Variants in ARMH3 observed in about 807,000 individuals in gnomAD.
The protein encoded by ARMH3 is armadillo like helical domain containing 3, also known as armadillo-like helical domain-containing protein 3.
Under a neutral mutation model 99.1 loss-of-function variants are expected in ARMH3, and 60 were observed. That is an observed-to-expected ratio of 0.61 (90% CI 0.49 to 0.75). The LOEUF (loss-of-function observed/expected upper bound fraction) is 0.75, where lower values mean the gene tolerates loss of function less well. ARMH3 is among the 30% of genes least tolerant of loss of function. ARMH3 has a pLI of 0.00. For synonymous variants in ARMH3, 285 were observed against 292.8 expected, an observed-to-expected ratio of 0.97 and a Z score of 0.27; for missense variants, 679 against 843.1, an observed-to-expected ratio of 0.81 and a Z score of 2.41.
rs1420750394 is a variant in ARMH3, at chr10:102,029,743, G to C, written c.309C>G (p.Thr103=). Residue 103 remains threonine, a splice_region_variant and synonymous_variant, in exon 5 of 26, where the codon ACC becomes ACG. Coordinates refer to ENST00000370033, the MANE Select transcript of ARMH3 (RefSeq NM_024541.3). ...GGACTCCTCGAATGAGTGCGCACAGGGTCTGCAGAAATGAGAGAAAGAATT... is the reference window on the plus strand; with the variant it reads ...GGACTCCTCGAATGAGTGCGCACAGCGTCTGCAGAAATGAGAGAAAGAATT... ...HPIRVVNALQ[T]LCALIRGVHQ... 9 of 1,609,850 alleles carry C rather than the reference G, an allele frequency of 5.6e-6. No homozygotes were observed. Among genetic ancestry groups the C allele is most frequent in the Non-Finnish European group, 7.6e-6 (9 of 1,176,646 alleles).
intron 23 of ARMH3, among the ~76,000 whole-genome samples, chr10:101,918,757 G>A (rs1843187625): frequency 1.3e-5 from 2 of 152,152 alleles, no homozygotes; most frequent in South Asian, 4.1e-4. Flanking sequence ...TTCCCTTTAA[G>A]GAAGTCACAT....
At chr10:101,913,659 C>G (rs1011968809) in intron 23 of ARMH3, among the ~76,000 whole-genome samples, 1 of 152,230 alleles carries the variant, frequency 6.6e-6, no homozygotes, top group Non-Finnish European at 1.5e-5. Flanking sequence ...AGCCACTGCA[C>G]CAGGCCCACA....
At chr10:102,001,274 T>C (rs1225111395) in intron 15 of ARMH3, among the ~76,000 whole-genome samples, 2 of 151,720 alleles carry the variant, frequency 1.3e-5, no homozygotes. Context: ...TAAAGAAAAA[T>C]GCTAAGTAGG....
At chr10:101,947,114 G>A (rs926507606) in intron 22 of ARMH3, among the ~76,000 whole-genome samples, 3 of 152,000 alleles carry the variant, frequency 2.0e-5, no homozygotes, top group African/African-American at 7.3e-5. Flanking sequence ...TTGAACCCGG[G>A]AGGCAGAGCT....
At chr10:102,026,936 A>G (rs2067012669) in intron 5 of ARMH3, among the ~76,000 whole-genome samples, 1 of 152,226 alleles carries the variant, frequency 6.6e-6, no homozygotes, top group South Asian at 2.1e-4. Flanking sequence ...TTGTATCCTC[A>G]GTGCCTACCA....
intron 9 of ARMH3, among the ~76,000 whole-genome samples, chr10:102,013,509 T>A (rs1221267816): frequency 2.0e-5 from 3 of 152,172 alleles, no homozygotes; most frequent in Admixed American, 1.3e-4. Context: ...CTCCCTATAT[T>A]CAGAGATCAG....
At chr10:101,912,266 G>A (rs1282303545) in intron 23 of ARMH3, among the ~76,000 whole-genome samples, 5 of 151,710 alleles carry the variant, frequency 3.3e-5, no homozygotes, top group Non-Finnish European at 5.9e-5. Context: ...GGTGGTGGGC[G>A]CTTGTAATTC....
At chr10:101,931,843 G>C (rs1418469650) in intron 23 of ARMH3, among the ~76,000 whole-genome samples, 1 of 152,162 alleles carries the variant, frequency 6.6e-6, no homozygotes, top group African/African-American at 2.4e-5. Flanking sequence ...TGATGACATT[G>C]GATTTGGCAA....
At chr10:101,983,905 G>C (rs1310349689) in intron 19 of ARMH3, among the ~76,000 whole-genome samples, 2 of 152,148 alleles carry the variant, frequency 1.3e-5, no homozygotes, top group Non-Finnish European at 2.9e-5. Context: ...TTTATAGCCG[G>C]TCCATCAGAA....
intron 22 of ARMH3, among the ~76,000 whole-genome samples, chr10:101,940,169 C>T (rs1476371134): frequency 6.6e-6 from 1 of 152,224 alleles, no homozygotes; most frequent in African/African-American, 2.4e-5. Flanking sequence ...TATCAAAATA[C>T]TCTACTCCTT....
chr10:101,925,206 T>C (rs976233669), intron 23 of ARMH3, among the ~76,000 whole-genome samples: 5 of 152,178 alleles, frequency 3.3e-5, no homozygotes, highest in East Asian at 1.9e-4. Flanking sequence ...CATAATGCAA[T>C]TGGAGGCTGC....
At chr10:101,876,480 C>T (rs1004914875) in intron 24 of ARMH3, among the ~76,000 whole-genome samples, 3 of 152,116 alleles carry the variant, frequency 2.0e-5, no homozygotes, top group African/African-American at 7.2e-5. Context: ...TCTATCCCTC[C>T]CAAACAGAAT....
intron 23 of ARMH3, among the ~76,000 whole-genome samples, chr10:101,926,093 A>T (rs1392356437): frequency 6.6e-6 from 1 of 152,256 alleles, no homozygotes; most frequent in African/African-American, 2.4e-5. Flanking sequence ...TCTGTGATCC[A>T]GGAACTACTA....
At chr10:101,892,654 T>G (rs1589976035) in intron 23 of ARMH3, among the ~76,000 whole-genome samples, 1 of 152,272 alleles carries the variant, frequency 6.6e-6, no homozygotes, top group African/African-American at 2.4e-5. Context: ...TCATAGTACC[T>G]GGGAATAGTC....
At position 101,910,790 on chromosome 10, in the gene ARMH3, T is replaced by A. The variant is rs189566193; in HGVS notation, c.1782-21300A>T. Among the ~76,000 whole-genome samples, 624 of 146,662 alleles carry A rather than the reference T, an allele frequency of 4.3e-3. 21 individuals are homozygous for A. The highest frequency in any genetic ancestry group is 0.04 in the Admixed American group (588 of 14,764). ...ATACAAGGGGATGATTTTCTCACAA[T>A]CCAGGTCAAGCCCAAGCCATGCCCA... is the stretch of plus-strand genomic sequence containing the variant. On this transcript the variant is annotated intron_variant, in intron 23 of 25. Transcript: ENST00000370033.
chr10:101,934,602 C>T (rs1843870442), intron 23 of ARMH3, among the ~76,000 whole-genome samples: 1 of 152,080 alleles, frequency 6.6e-6, no homozygotes. Context: ...AGGAGAATCA[C>T]CTACTTGCAG....
chr10:102,032,130 T>C (rs2067145828), intron 4 of ARMH3, among the ~76,000 whole-genome samples: 2 of 152,176 alleles, frequency 1.3e-5, no homozygotes, highest in African/African-American at 2.4e-5. Flanking sequence ...TTTAGAAACT[T>C]TGTCACCATT....
intron 19 of ARMH3, among the ~76,000 whole-genome samples, chr10:101,985,372 T>C (rs370635019): frequency 1.3e-5 from 2 of 151,108 alleles, no homozygotes; most frequent in South Asian, 2.1e-4. Flanking sequence ...TACATGTATA[T>C]ATAATACGTA....
chr10:101,972,988 T>C (rs1367065932), intron 20 of ARMH3, among the ~76,000 whole-genome samples: 1 of 152,164 alleles, frequency 6.6e-6, no homozygotes, highest in Non-Finnish European at 1.5e-5. Flanking sequence ...ATGGCCTTCT[T>C]CTTCACCATT....
Sources: gnomAD v4.1 joint callset for allele counts (sites outside exome capture counted in the v4.1 genomes callset) on GRCh38, gnomAD v4.1.1 for gene constraint, MANE v1.5 for transcripts, NCBI Gene and HGNC (gene_info 2026-07-23, HGNC 2026-07-21) for gene names.